HBZ: variants seen among roughly 807,000 people sequenced by gnomAD.
The protein encoded by HBZ is hemoglobin subunit zeta, also known as hemoglobin zeta chain.
A neutral mutation model predicts 5.8 loss-of-function variants in HBZ; 2 were observed. That is an observed-to-expected ratio of 0.34 (90% CI 0.14 to 1.09). The LOEUF (loss-of-function observed/expected upper bound fraction) is 1.09, where lower values mean the gene tolerates loss of function less well. Among genes scored for constraint, HBZ ranks in the 50% least tolerant of loss-of-function variants. HBZ has a pLI of 0.42. For missense variants in HBZ, 47 were observed against 97.8 expected, an observed-to-expected ratio of 0.48 and a Z score of 2.19; for synonymous variants, 39 against 47.4, an observed-to-expected ratio of 0.82 and a Z score of 0.73.
chr16:152,680 A>G lies in HBZ; in HGVS notation c.-230A>G. ...AACACCCCCTGTAAGGCCACAGGAG[A>G]GGAACAGGAGTGATAGCCCCCAAAC... On this transcript the variant is annotated 5_prime_UTR_variant, in exon 1 of 3. Transcript: ENST00000252951. The G allele has an allele frequency of 1.4e-6, 1 of 696,416 alleles. No homozygotes were observed. The highest frequency in any genetic ancestry group is 2.9e-5 in the East Asian group (1 of 33,950). The allele number at this position is 696,416 out of a possible 1,614,324, so 43.1% of individuals were successfully genotyped here.
chr16:154,162 G>GGTC lies in HBZ; in HGVS notation c.300+67_300+68insTCG, dbSNP rs1229624331. ...GCGCGGTGCGGGCGGGGCGGGGCGG[G>GGTC]GCGGGGCGGGGAGGGGCGGGGAGGG... is the stretch of plus-strand genomic sequence containing the variant. On this transcript the variant is annotated intron_variant, in intron 2 of 2. Coordinates refer to ENST00000252951, the MANE Select transcript of HBZ (RefSeq NM_005332.3). The GGTC allele has an allele frequency of 1.5e-4, 8 of 51,790 alleles. No individual in the cohort carries two copies. The East Asian group carries it at 6.3e-3, about 40-fold the overall frequency. 3.2% of individuals were successfully genotyped at this position (51,790 alleles called of 1,614,324 possible). A position where few individuals can be genotyped will look rare whatever the true frequency, so the allele number is the denominator to read the frequency against.
At position 152,841 on chromosome 16, in the gene HBZ, G is replaced by A. The variant is rs1297890244; in HGVS notation, c.-69G>A. The A allele has an allele frequency of 6.2e-7, 1 of 1,601,298 alleles. No individual in the cohort carries two copies. The highest frequency in any genetic ancestry group is 1.3e-5 in the African/African-American group (1 of 74,782). The stretch of plus-strand genomic sequence containing the variant: ...AGCTCCCTGTATATAAGGGGACCCT[G>A]GGGGCTGAGCACTACCAAGGCCAGT... On this transcript the variant is annotated 5_prime_UTR_variant, in exon 1 of 3. Transcript: ENST00000252951.
chr16:152,650 TG>T lies in HBZ; in HGVS notation c.-258del. 1 of 561,568 alleles carries T rather than the reference TG, an allele frequency of 1.8e-6. No homozygotes were observed. Among genetic ancestry groups the T allele is most frequent in the Non-Finnish European group, 3.1e-6 (1 of 326,004 alleles). 34.8% of individuals were successfully genotyped at this position (561,568 alleles called of 1,614,324 possible). On this transcript the variant is annotated 5_prime_UTR_variant, in exon 1 of 3. Coordinates refer to ENST00000252951, the MANE Select transcript of HBZ (RefSeq NM_005332.3). ...TCTCCTAGACTCTGTGGTCAGACTC[TG>T]GCCAACACCCCCTGTAAGGCCACAG...
intron 1 of HBZ, 115 bp downstream of exon 1, chr16:153,119 G>C (rs2974761): frequency 1.0e-3 from 335 of 322,888 alleles, no homozygotes; most frequent in Non-Finnish European, 1.5e-3. Flanking sequence ...ATGGAGAGGA[G>C]ACAGTGGGGA....
chr16:152,920 C>G lies in HBZ; in HGVS notation c.11C>G (p.Thr4Ser), dbSNP rs1182000048. Reference sequence around the variant, plus strand: ...GCCCACCCTGCCGCCATGTCTCTGACCAAGACTGAGAGGACCATCATTGTG... The same window carrying G: ...GCCCACCCTGCCGCCATGTCTCTGAGCAAGACTGAGAGGACCATCATTGTG... MSL[T>S]KTERTIIVSM... is the part of the protein sequence containing the mutation. The change falls in exon 1 of 3, where the codon ACC becomes AGC. Residue 4 changes from threonine (T) to serine (S), a missense_variant. Thr to Ser is a moderately conservative substitution (Grantham distance 58, BLOSUM62 1). Around this residue, in one of 3 missense-constraint regions of HBZ, gnomAD observed 29 missense variants for 39.7 expected, o/e 0.73. Coordinates refer to ENST00000252951, the MANE Select transcript of HBZ (RefSeq NM_005332.3). 11 of 1,612,732 alleles carry G rather than the reference C, an allele frequency of 6.8e-6. No individual in the cohort carries two copies. In the South Asian group the frequency reaches 1.2e-4, roughly 18 times the overall value.
In HBZ at chr16:154,473, C is replaced by T. The variant is rs941076600; in HGVS notation, c.*73C>T. On this transcript the variant is annotated 3_prime_UTR_variant, in exon 3 of 3. Coordinates refer to ENST00000252951, the MANE Select transcript of HBZ (RefSeq NM_005332.3). ...CTGGAGGTTCCCCAGCCCCACTTAC[C>T]GCGTAATGCGCCAATAAACCAATGA... 9.9e-7 allele frequency: 1 copy of T among 1,014,772 alleles called. No individual in the cohort carries two copies. The highest frequency in any genetic ancestry group is 1.9e-5 in the South Asian group (1 of 54,034). The allele number at this position is 1,014,772 out of a possible 1,614,324, so 62.9% of individuals were successfully genotyped here. A position where few individuals can be genotyped will look rare whatever the true frequency, so the allele number is the denominator to read the frequency against.
Position 154,397 on chromosome 16 carries a change from C to T in HBZ, c.426C>T (p.Arg142=). The change falls in exon 3 of 3, where the codon CGC becomes CGT. Residue 142 remains arginine (R), a synonymous_variant. Coordinates refer to ENST00000252951, the MANE Select transcript of HBZ (RefSeq NM_005332.3). The part of the protein sequence containing the change: ...VVSSVLTEKY[R] ...CCTCTGTCCTGACCGAGAAGTACCG[C>T]TGAGCGCCGCCTCCGGGACCCCCAG... 2.0e-6 allele frequency: 3 copies of T among 1,512,944 alleles called. No individual in the cohort carries two copies. Among genetic ancestry groups the T allele is most frequent in the Non-Finnish European group, 2.7e-6 (3 of 1,122,758 alleles). The allele number at this position is 1,512,944 out of a possible 1,614,324, so 93.7% of individuals were successfully genotyped here. A position where few individuals can be genotyped will look rare whatever the true frequency, so the allele number is the denominator to read the frequency against.
chr16:154,409 T>A lies in HBZ; in HGVS notation c.*9T>A. 6.7e-7 allele frequency: 1 copy of A among 1,497,062 alleles called. No homozygotes were observed. 92.7% of individuals were successfully genotyped at this position (1,497,062 alleles called of 1,614,324 possible). A position where few individuals can be genotyped will look rare whatever the true frequency, so the allele number is the denominator to read the frequency against. On this transcript the variant is annotated 3_prime_UTR_variant, in exon 3 of 3. Transcript: ENST00000252951. ...CCGAGAAGTACCGCTGAGCGCCGCC[T>A]CCGGGACCCCCAGGACAGGCTGCGG...
In HBZ at chr16:154,388, G is replaced by A; in HGVS notation, c.417G>A (p.Glu139=). 1 of 1,524,734 alleles carries A rather than the reference G, an allele frequency of 6.6e-7. No individual in the cohort carries two copies. The allele number at this position is 1,524,734 out of a possible 1,614,324, so 94.5% of individuals were successfully genotyped here. The change falls in exon 3 of 3, where the codon GAG becomes GAA. Residue 139 remains glutamate (E), a synonymous_variant. Transcript: ENST00000252951. The part of the protein sequence containing the change: ...FLSVVSSVLT[E]KYR ...CGGTCGTATCCTCTGTCCTGACCGAGAAGTACCGCTGAGCGCCGCCTCCGG... is the reference window on the plus strand; with the variant it reads ...CGGTCGTATCCTCTGTCCTGACCGAAAAGTACCGCTGAGCGCCGCCTCCGG...
In HBZ at chr16:154,499, A is replaced by T; in HGVS notation, c.*99A>T. The stretch of plus-strand genomic sequence containing the variant: ...GCGTAATGCGCCAATAAACCAATGA[A>T]CGAAGCAGCGTCCACCTGGTCTCTG... On this transcript the variant is annotated 3_prime_UTR_variant, in exon 3 of 3. Coordinates refer to ENST00000252951, the MANE Select transcript of HBZ (RefSeq NM_005332.3). The T allele has an allele frequency of 1.3e-6, 1 of 791,370 alleles. No individual in the cohort carries two copies. 49.0% of individuals were successfully genotyped at this position (791,370 alleles called of 1,614,324 possible).
Position 153,115 on chromosome 16 carries a change from A to ACAGTGG in HBZ, c.95+111_95+112insCAGTGG, listed in dbSNP as rs1240131147. 1.1e-3 allele frequency: 695 copies of ACAGTGG among 609,630 alleles called. 5 individuals are homozygous for ACAGTGG. The African/African-American group carries it at 0.014, about 12-fold the overall frequency. 37.8% of individuals were successfully genotyped at this position (609,630 alleles called of 1,614,324 possible). A position where few individuals can be genotyped will look rare whatever the true frequency, so the allele number is the denominator to read the frequency against. On this transcript the variant is annotated intron_variant, in intron 1 of 2. Transcript: ENST00000252951. ...GGACAGTGGGGAGGGGACCATGGAGAGGAGACAGTGGGGAGGGCACTGTGG... is the reference window on the plus strand; with the variant it reads ...GGACAGTGGGGAGGGGACCATGGAGACAGTGGGGAGACAGTGGGGAGGGCACTGTGG...
In HBZ at chr16:154,483, G is replaced by C. The variant is rs1309622985; in HGVS notation, c.*83G>C. ...CCCAGCCCCACTTACCGCGTAATGCGCCAATAAACCAATGAACGAAGCAGC... is the reference window on the plus strand; with the variant it reads ...CCCAGCCCCACTTACCGCGTAATGCCCCAATAAACCAATGAACGAAGCAGC... On this transcript the variant is annotated 3_prime_UTR_variant, in exon 3 of 3. Transcript: ENST00000252951. The C allele has an allele frequency of 5.2e-6, 5 of 966,602 alleles. No homozygotes were observed. The highest frequency in any genetic ancestry group is 7.2e-6 in the Non-Finnish European group (5 of 693,830). 59.9% of individuals were successfully genotyped at this position (966,602 alleles called of 1,614,324 possible).
rs910529453 is a variant in HBZ at position 152,990 on chromosome 16, C to T, written c.81C>T (p.Thr27=). 13 of 1,607,702 alleles carry T rather than the reference C, an allele frequency of 8.1e-6. No individual in the cohort carries two copies. In the Admixed American group the frequency reaches 1.0e-4, roughly 12 times the overall value. Residue 27 remains threonine, a synonymous_variant, in exon 1 of 3, where the codon ACC becomes ACT. Coordinates refer to ENST00000252951, the MANE Select transcript of HBZ (RefSeq NM_005332.3). ...CCACGCAGGCCGACACCATCGGCAC[C>T]GAGACTCTGGAGAGGTGAGTGTCAG... ...KISTQADTIG[T]ETLERLFLSH...
intron 1 of HBZ, 56 bp downstream of exon 1, chr16:153,060 G>A (rs2142006850): frequency 1.7e-6 from 2 of 1,155,560 alleles, no homozygotes; most frequent in South Asian, 1.3e-5. Flanking sequence ...GTATGTGAGT[G>A]GGGACAGTGG....
At position 154,316 on chromosome 16, in the gene HBZ, C is replaced by G. The variant is rs1316865701; in HGVS notation, c.345C>G (p.Pro115=). The change falls in exon 3 of 3, where the codon CCC becomes CCG. Residue 115 remains proline (P), a synonymous_variant. Coordinates refer to ENST00000252951, the MANE Select transcript of HBZ (RefSeq NM_005332.3). The part of the protein sequence containing the change: ...CLLVTLAARF[P]ADFTAEAHAA... Reference sequence around the variant, plus strand: ...TGGTCACCCTGGCCGCGCGCTTCCCCGCCGACTTCACGGCCGAGGCCCACG... The same window carrying G: ...TGGTCACCCTGGCCGCGCGCTTCCCGGCCGACTTCACGGCCGAGGCCCACG... The G allele has an allele frequency of 2.0e-6, 3 of 1,523,558 alleles. No homozygotes were observed. Among genetic ancestry groups the G allele is most frequent in the Non-Finnish European group, 2.7e-6 (3 of 1,130,770 alleles). 94.4% of individuals were successfully genotyped at this position (1,523,558 alleles called of 1,614,324 possible).
In HBZ at chr16:154,298, C is replaced by G. The variant is rs762273268; in HGVS notation, c.327C>G (p.Thr109=). The change falls in exon 3 of 3, where the codon ACC becomes ACG. Residue 109 remains threonine (T), a synonymous_variant. Coordinates refer to ENST00000252951, the MANE Select transcript of HBZ (RefSeq NM_005332.3). ...TCCTGTCCCACTGCCTGCTGGTCAC[C>G]CTGGCCGCGCGCTTCCCCGCCGACT... is the stretch of plus-strand genomic sequence containing the variant. The part of the protein sequence containing the change: ...FKLLSHCLLV[T]LAARFPADFT... 58 of 1,482,424 alleles carry G rather than the reference C, an allele frequency of 3.9e-5. No individual in the cohort carries two copies. The African/African-American group carries it at 6.7e-4, about 17-fold the overall frequency. 91.8% of individuals were successfully genotyped at this position (1,482,424 alleles called of 1,614,324 possible). A position where few individuals can be genotyped will look rare whatever the true frequency, so the allele number is the denominator to read the frequency against.
rs756956411 is a variant in HBZ at position 152,914 on chromosome 16, C to T, written c.5C>T (p.Ser2Phe). 13 of 1,612,526 alleles carry T rather than the reference C, an allele frequency of 8.1e-6. No individual in the cohort carries two copies. The East Asian group carries it at 8.9e-5, about 11-fold the overall frequency. Residue 2 changes from serine to phenylalanine, a missense_variant, in exon 1 of 3, where the codon TCT becomes TTT. Physicochemically the swap from Ser to Phe is radical, Grantham distance 155. Coordinates refer to ENST00000252951, the MANE Select transcript of HBZ (RefSeq NM_005332.3). M[S>F]LTKTERTIIV... Reference sequence around the variant, plus strand: ...GCAGCTGCCCACCCTGCCGCCATGTCTCTGACCAAGACTGAGAGGACCATC... The same window carrying T: ...GCAGCTGCCCACCCTGCCGCCATGTTTCTGACCAAGACTGAGAGGACCATC...
Position 154,415 on chromosome 16 carries a change from A to T in HBZ, c.*15A>T. 1 of 1,471,028 alleles carries T rather than the reference A, an allele frequency of 6.8e-7. No homozygotes were observed. The highest frequency in any genetic ancestry group is 9.1e-7 in the Non-Finnish European group (1 of 1,096,880). 91.1% of individuals were successfully genotyped at this position (1,471,028 alleles called of 1,614,324 possible). Reference sequence around the variant, plus strand: ...AGTACCGCTGAGCGCCGCCTCCGGGACCCCCAGGACAGGCTGCGGCCCCTC... The same window carrying T: ...AGTACCGCTGAGCGCCGCCTCCGGGTCCCCCAGGACAGGCTGCGGCCCCTC... On this transcript the variant is annotated 3_prime_UTR_variant, in exon 3 of 3. Coordinates refer to ENST00000252951, the MANE Select transcript of HBZ (RefSeq NM_005332.3).
Position 152,851 on chromosome 16 carries a change from C to T in HBZ, c.-59C>T. On this transcript the variant is annotated 5_prime_UTR_variant, in exon 1 of 3. Transcript: ENST00000252951. ...ATATAAGGGGACCCTGGGGGCTGAG[C>T]ACTACCAAGGCCAGTCCTGAGCAGG... 7 of 1,606,150 alleles carry T rather than the reference C, an allele frequency of 4.4e-6. No homozygotes were observed. Among genetic ancestry groups the T allele is most frequent in the Non-Finnish European group, 5.9e-6 (7 of 1,177,172 alleles).
Sources: allele counts gnomAD v4.1 joint callset, GRCh38; gene constraint gnomAD v4.1.1; regional missense constraint gnomAD v4.1.1; transcripts MANE v1.5; gene names NCBI Gene and HGNC (gene_info 2026-07-23, HGNC 2026-07-21).